Variants in RUNDC3A observed in about 807,000 individuals in gnomAD.
RUNDC3A encodes the protein RUN domain containing 3A, also known as RUN domain-containing protein 3A.
A neutral mutation model predicts 53.9 loss-of-function variants in RUNDC3A; 28 were observed. That is an observed-to-expected ratio of 0.52 (90% CI 0.38 to 0.71). RUNDC3A has a LOEUF of 0.71. Ranked by LOEUF, RUNDC3A falls within the 30% of genes least tolerant of loss-of-function variation. The pLI is 0.00. For missense variants in RUNDC3A, 491 were observed against 597.3 expected (o/e 0.82, Z 1.85); for synonymous variants, 232 against 249.4 (o/e 0.93, Z 0.66).
rs1166990560 is a variant in RUNDC3A at position 44,318,106 on chromosome 17, C to CA, written c.1210dup (p.Thr404AsnfsTer96). 1 of 1,551,420 alleles carries CA rather than the reference C, an allele frequency of 6.4e-7. No individual in the cohort carries two copies. The highest frequency in any genetic ancestry group is 1.2e-5 in the South Asian group (1 of 84,052). On this transcript the variant is annotated frameshift_variant, in exon 11 of 11. Transcript: ENST00000426726. LOFTEE classifies it high-confidence loss of function. ...GCCCTCTCTCCCCAGGGAAGGACCC[C>CA]ACGCCCTCCATGCTGGGCCTCTGCG...
intron 1 of RUNDC3A, chr17:44,309,757 T>G (rs533167331): frequency 7.9e-5 from 12 of 152,710 alleles, no homozygotes; most frequent in African/African-American, 2.9e-4. Context: ...CTGGCCCCCA[T>G]GCCTATCAGG....
At chr17:44,317,273 C>T (rs941548346) in intron 10 of RUNDC3A, 21 of 618,398 alleles carry the variant, frequency 3.4e-5, no homozygotes, top group Middle Eastern at 4.2e-4. Flanking sequence ...CTTGGTCAAT[C>T]ACTTTACCTC....
intron 1 of RUNDC3A, chr17:44,310,832 G>A: frequency 1.0e-6 from 1 of 985,532 alleles, no homozygotes; most frequent in Non-Finnish European, 1.2e-6. Context: ...AGATGACCAG[G>A]GGAAATCAAG....
At chr17:44,317,016 G>A (rs537761112) in intron 10 of RUNDC3A, 9 of 423,704 alleles carry the variant, frequency 2.1e-5, no homozygotes, top group South Asian at 4.4e-5. Flanking sequence ...AGAGACGCGC[G>A]GCTAATTTGT....
chr17:44,318,264 C>A lies in RUNDC3A; in HGVS notation c.*26C>A. 4 of 1,538,310 alleles carry A rather than the reference C, an allele frequency of 2.6e-6. No homozygotes were observed. Among genetic ancestry groups the A allele is most frequent in the Non-Finnish European group, 3.5e-6 (4 of 1,137,326 alleles). On this transcript the variant is annotated 3_prime_UTR_variant, in exon 11 of 11. Transcript: ENST00000426726. ...GGAACAGCATGGGCAGTGCCAGCCCCACCTGCCAGGGGCCATGGACACCTG... is the reference window on the plus strand; with the variant it reads ...GGAACAGCATGGGCAGTGCCAGCCCAACCTGCCAGGGGCCATGGACACCTG...
In RUNDC3A at chr17:44,313,112, C is replaced by T. The variant is rs2047782391; in HGVS notation, c.232C>T (p.Pro78Ser). 6.2e-7 allele frequency: 1 copy of T among 1,613,994 alleles called. No homozygotes were observed. ...ILSHRFKACA[P>S]AGPVSWFSSD... The stretch of plus-strand genomic sequence containing the variant: ...TCCCTGCCCTGGCTCAGCCTGTGCC[C>T]CAGCAGGTCCAGTGAGCTGGTTCAG... The change falls in exon 3 of 11, where the codon CCA (proline) becomes TCA (serine). Residue 78 changes from proline to serine, a missense_variant. This residue lies in a region of RUNDC3A where 273 missense variants were observed against 389.0 expected (regional missense o/e 0.70). Transcript: ENST00000426726.
chr17:44,312,670 GC>G lies in RUNDC3A; in HGVS notation c.199del (p.Gln67ArgfsTer16). Reference sequence around the variant, plus strand: ...TTGTCAATTTTGCAGCCATTTTAGAGCAGATCCTCAGCCACCGCTTCAAAGG... The same window carrying G: ...TTGTCAATTTTGCAGCCATTTTAGAGAGATCCTCAGCCACCGCTTCAAAGG... ...EFVNFAAILE[Q>X]ILSHRFKACA... is the part of the protein sequence containing the mutation. On this transcript the variant is annotated frameshift_variant, in exon 2 of 11. Coordinates refer to ENST00000426726, the MANE Select transcript of RUNDC3A (RefSeq NM_001144825.2). LOFTEE classifies it high-confidence loss of function. 1 of 1,577,508 alleles carries G rather than the reference GC, an allele frequency of 6.3e-7. No homozygotes were observed. The highest frequency in any genetic ancestry group is 8.6e-7 in the Non-Finnish European group (1 of 1,161,618).
At chr17:44,316,239 C>T (rs1461784840) in intron 8 of RUNDC3A, 146 bp from the exon 9 acceptor site, 1 of 689,714 alleles carries the variant, frequency 1.4e-6, no homozygotes, top group Non-Finnish European at 2.4e-6. Flanking sequence ...CACTTCCTCC[C>T]GGGATCTGGC....
intron 1 of RUNDC3A, chr17:44,310,880 C>T: frequency 3.0e-6 from 3 of 985,518 alleles, no homozygotes; most frequent in Non-Finnish European, 3.6e-6. Context: ...TGGAATAATG[C>T]CCCAAACACA....
At chr17:44,316,019 C>G (rs904689434) in intron 8 of RUNDC3A, among the ~76,000 whole-genome samples, 4 of 152,026 alleles carry the variant, frequency 2.6e-5, no homozygotes, top group African/African-American at 9.7e-5. Flanking sequence ...TCACCCCTGC[C>G]GATCCCTGTA....
rs954564762 is a variant in RUNDC3A, at chr17:44,318,191, C to T, written c.1294C>T (p.Leu432=). ...SLASFKSNEC[L]VSDSPEGSPA... is the part of the protein sequence containing the mutation. ...GGCGAGCTTCAAATCCAACGAGTGC[C>T]TGGTGAGCGACAGTCCCGAGGGCAG... The change falls in exon 11 of 11, where the codon CTG becomes TTG. Residue 432 remains leucine, a synonymous_variant. Coordinates refer to ENST00000426726, the MANE Select transcript of RUNDC3A (RefSeq NM_001144825.2). 2 of 1,551,346 alleles carry T rather than the reference C, an allele frequency of 1.3e-6. No individual in the cohort carries two copies. The highest frequency in any genetic ancestry group is 1.7e-6 in the Non-Finnish European group (2 of 1,146,992).
Position 44,308,793 on chromosome 17 carries a change from G to A in RUNDC3A, c.-40G>A, listed in dbSNP as rs1320412016. ...CGGGTTTGGGGCTCCGGGAGGGGTGGGGGGGCAGCGGGCGGCGGCAGCAGT... is the reference window on the plus strand; with the variant it reads ...CGGGTTTGGGGCTCCGGGAGGGGTGAGGGGGCAGCGGGCGGCGGCAGCAGT... On this transcript the variant is annotated 5_prime_UTR_variant, in exon 1 of 11. Coordinates refer to ENST00000426726, the MANE Select transcript of RUNDC3A (RefSeq NM_001144825.2). 3 of 1,407,334 alleles carry A rather than the reference G, an allele frequency of 2.1e-6. No homozygotes were observed. In the African/African-American group the frequency reaches 4.3e-5, roughly 20 times the overall value. 87.2% of individuals were successfully genotyped at this position (1,407,334 alleles called of 1,614,324 possible). A position where few individuals can be genotyped will look rare whatever the true frequency, so the allele number is the denominator to read the frequency against.
chr17:44,313,299 G>A lies in RUNDC3A; in HGVS notation c.372+47G>A, dbSNP rs779320664. On this transcript the variant is annotated intron_variant, in intron 3 of 10. Transcript: ENST00000426726. ...ACTGCTCTCTGCTCTGGACACAGGGGGCCTGCCTGTTTCTTGGTTTTTGCC... is the reference window on the plus strand; with the variant it reads ...ACTGCTCTCTGCTCTGGACACAGGGAGCCTGCCTGTTTCTTGGTTTTTGCC... 3.1e-6 allele frequency: 5 copies of A among 1,608,580 alleles called. No homozygotes were observed. The South Asian group carries it at 3.3e-5, about 11-fold the overall frequency.
chr17:44,313,676 C>CAA, intron 4 of RUNDC3A, 173 bp downstream of exon 4: 1 of 1,163,122 alleles, frequency 8.6e-7, no homozygotes, highest in Non-Finnish European at 1.1e-6. Flanking sequence ...CCAGGACGAA[C>CAA]TCTTTTTTTT....
intron 4 of RUNDC3A, chr17:44,314,116 C>A: frequency 2.0e-6 from 2 of 992,442 alleles, no homozygotes; most frequent in Non-Finnish European, 2.4e-6. Context: ...TGGCTTGCTC[C>A]ATGATCTACA....
chr17:44,313,629 C>T, intron 4 of RUNDC3A, 126 bp downstream of exon 4: 1 of 1,405,378 alleles, frequency 7.1e-7, no homozygotes, highest in Admixed American at 2.9e-5. Flanking sequence ...CACCAGCACA[C>T]ATGGCTGATT....
At position 44,314,755 on chromosome 17, in the gene RUNDC3A, C is replaced by A; in HGVS notation, c.479C>A (p.Ala160Asp). The change falls in exon 5 of 11, where the codon GCC (alanine) becomes GAC (aspartate). Residue 160 changes from alanine to aspartate, a missense_variant. By Grantham distance (126) the Ala-to-Asp change is moderately radical. Around this residue, in one of 2 missense-constraint regions of RUNDC3A, gnomAD observed 273 missense variants for 389.0 expected, o/e 0.70. Transcript: ENST00000426726. The part of the protein sequence containing the change: ...RTTRRFYDSG[A>D]IMLRDEATIL... Reference sequence around the variant, plus strand: ...CACAGACGGTTCTATGACTCTGGAGCCATCATGCTGCGGGATGAAGCCACC... The same window carrying A: ...CACAGACGGTTCTATGACTCTGGAGACATCATGCTGCGGGATGAAGCCACC... The A allele has an allele frequency of 1.2e-6, 2 of 1,609,834 alleles. No homozygotes were observed. Among genetic ancestry groups the A allele is most frequent in the Non-Finnish European group, 1.7e-6 (2 of 1,178,548 alleles).
At chr17:44,317,625 C>T in intron 10 of RUNDC3A, 2 of 745,758 alleles carry the variant, frequency 2.7e-6, no homozygotes, top group East Asian at 2.5e-5. Context: ...CCTGTCTTTT[C>T]TTTTTTATAA....
In RUNDC3A at chr17:44,315,528, T is replaced by G; in HGVS notation, c.872T>G (p.Leu291Arg). ...GAGGCGGAGAACCGGCGGCTTCAGCTGCAGCTGGAGGAGGCGGCGGCGCAG... is the reference window on the plus strand; with the variant it reads ...GAGGCGGAGAACCGGCGGCTTCAGCGGCAGCTGGAGGAGGCGGCGGCGCAG... ...DLEAENRRLQLQLEEAAAQNQ... is the reference protein window; with the variant it reads ...DLEAENRRLQRQLEEAAAQNQ... Residue 291 changes from leucine to arginine, a missense_variant, in exon 8 of 11, where the codon CTG becomes CGG. Coordinates refer to ENST00000426726, the MANE Select transcript of RUNDC3A (RefSeq NM_001144825.2). The surrounding 1 kb of genome is among the most constrained non-coding windows in gnomAD (Gnocchi z 6.1). 2.6e-6 allele frequency: 4 copies of G among 1,518,110 alleles called. No homozygotes were observed. The highest frequency in any genetic ancestry group is 3.5e-6 in the Non-Finnish European group (4 of 1,133,418). 94.0% of individuals were successfully genotyped at this position (1,518,110 alleles called of 1,614,324 possible).
Sources: gnomAD v4.1 joint callset for allele counts (sites outside exome capture counted in the v4.1 genomes callset) on GRCh38, gnomAD v4.1.1 for gene constraint, gnomAD v4.1.1 regional missense constraint, Gnocchi (gnomAD v3.1) non-coding constraint, MANE v1.5 for transcripts, NCBI Gene and HGNC (gene_info 2026-07-23, HGNC 2026-07-21) for gene names.